Variants in DCBLD2 observed in about 807,000 individuals in gnomAD.
DCBLD2 encodes the protein discoidin, CUB and LCCL domain-containing protein 2.
DCBLD2 carries 54 observed loss-of-function variants against 86.8 expected under a neutral mutation model. The ratio of observed to expected loss-of-function variants is 0.62; its 90% CI spans 0.50 to 0.78. DCBLD2 has a LOEUF of 0.78. Ranked by LOEUF, DCBLD2 falls within the 30% of genes least tolerant of loss-of-function variation. The probability of loss-of-function intolerance (pLI) is 0.00; values close to 1 mark genes in which losing one functional copy is unlikely to be tolerated. For synonymous variants in DCBLD2, 354 were observed against 341.3 expected, an observed-to-expected ratio of 1.04 and a Z score of -0.41; for missense variants, 908 against 954.2, an observed-to-expected ratio of 0.95 and a Z score of 0.64.
At chr3:98,859,438 C>A (rs1451253868) in intron 2 of DCBLD2, among the ~76,000 whole-genome samples, 2 of 152,180 alleles carry the variant, frequency 1.3e-5, no homozygotes, top group Non-Finnish European at 2.9e-5. Flanking sequence ...TCAAGTGGGT[C>A]CCTGACCCCC....
Position 98,869,118 on chromosome 3 carries a change from A to G in DCBLD2, c.433+12422T>C, listed in dbSNP as rs114803831. On this transcript the variant is annotated intron_variant, in intron 2 of 15. Coordinates refer to ENST00000326840, the MANE Select transcript of DCBLD2 (RefSeq NM_080927.4). Reference sequence around the variant, plus strand: ...GTGTTCCCTGTCTGCGCCAACATCTATTGTTTTTTGACTTCTTAATGGCCA... The same window carrying G: ...GTGTTCCCTGTCTGCGCCAACATCTGTTGTTTTTTGACTTCTTAATGGCCA... Among the ~76,000 whole-genome samples, 1,068 of 152,008 alleles carry G rather than the reference A, an allele frequency of 7.0e-3. 8 individuals are homozygous for G. The highest frequency in any genetic ancestry group is 0.019 in the African/African-American group (798 of 41,492).
intron 3 of DCBLD2, among the ~76,000 whole-genome samples, chr3:98,836,604 T>G (rs1376239711): frequency 7.2e-6 from 1 of 138,558 alleles, no homozygotes; most frequent in South Asian, 2.3e-4. Context: ...CAATGAGCTG[T>G]TGGGCACACC....
intron 3 of DCBLD2, among the ~76,000 whole-genome samples, chr3:98,844,348 T>TATTATTATTATTATC (rs1206764449): frequency 1.3e-5 from 2 of 149,644 alleles, no homozygotes; most frequent in Non-Finnish European, 3.0e-5. Context: ...TAGCATTTAT[T>TATTATTATTATTATC]ATTATTATTA....
At chr3:98,836,067 T>C (rs1942441147) in intron 3 of DCBLD2, among the ~76,000 whole-genome samples, 1 of 50,324 alleles carries the variant, frequency 2.0e-5, no homozygotes, top group Non-Finnish European at 4.6e-5. Context: ...TGTGTGTGTA[T>C]GTGTGTGTGT....
intron 3 of DCBLD2, among the ~76,000 whole-genome samples, chr3:98,848,835 T>A (rs991126375): frequency 3.3e-5 from 5 of 152,138 alleles, no homozygotes; most frequent in Admixed American, 6.6e-5. Context: ...AATAATGTTT[T>A]AAATTGATAT....
chr3:98,882,031 A>G (rs1382160848), intron 1 of DCBLD2, among the ~76,000 whole-genome samples: 1 of 152,176 alleles, frequency 6.6e-6, no homozygotes, highest in African/African-American at 2.4e-5. Flanking sequence ...GTGTTACCTG[A>G]AACTACATAA....
At chr3:98,873,234 G>A (rs970575982) in intron 2 of DCBLD2, among the ~76,000 whole-genome samples, 2 of 151,990 alleles carry the variant, frequency 1.3e-5, no homozygotes, top group African/African-American at 4.8e-5. Context: ...ACCTCCAGGA[G>A]ACAGCAAAGA....
chr3:98,860,557 A>G (rs1002565330), intron 2 of DCBLD2, among the ~76,000 whole-genome samples: 9 of 152,230 alleles, frequency 5.9e-5, no homozygotes, highest in African/African-American at 2.2e-4. Flanking sequence ...AGAAGACAGT[A>G]GGGGCCAATA....
At chr3:98,873,960 A>G (rs1943321735) in intron 2 of DCBLD2, among the ~76,000 whole-genome samples, 1 of 152,214 alleles carries the variant, frequency 6.6e-6, no homozygotes, top group Admixed American at 6.5e-5. Flanking sequence ...ATTCTATTTT[A>G]CAGACATCAT....
At position 98,901,438 on chromosome 3, in the gene DCBLD2, GCCCTCGCCTCAC is replaced by G. The variant is rs1943850508; in HGVS notation, c.-124_-113del. On this transcript the variant is annotated 5_prime_UTR_variant, in exon 1 of 16. Coordinates refer to ENST00000326840, the MANE Select transcript of DCBLD2 (RefSeq NM_080927.4). ...GGCAGCGGCGGGAGAACAAGAGGCAGCCCTCGCCTCACCCCGCGCCGGGACCCTTCCGCCCCT... is the reference window on the plus strand; with the variant it reads ...GGCAGCGGCGGGAGAACAAGAGGCAGCCCGCGCCGGGACCCTTCCGCCCCT... The G allele has an allele frequency of 9.0e-7, 1 of 1,109,878 alleles. No homozygotes were observed. 68.8% of individuals were successfully genotyped at this position (1,109,878 alleles called of 1,614,324 possible).
Position 98,887,610 on chromosome 3 carries a change from C to T in DCBLD2, c.206-5843G>A, listed in dbSNP as rs947852774. On this transcript the variant is annotated intron_variant, in intron 1 of 15. Coordinates refer to ENST00000326840, the MANE Select transcript of DCBLD2 (RefSeq NM_080927.4). ...TAGTGTTCACAAGGTATATCTTTCTCCATCCCTACAGTTTTTAAATTGTGG... is the reference window on the plus strand; with the variant it reads ...TAGTGTTCACAAGGTATATCTTTCTTCATCCCTACAGTTTTTAAATTGTGG... 1.1e-4 allele frequency among the ~76,000 whole-genome samples: 16 copies of T among 152,036 alleles called. No individual in the cohort carries two copies. The South Asian group carries it at 1.5e-3, about 14-fold the overall frequency.
Position 98,860,574 on chromosome 3 carries a change from A to G in DCBLD2, c.434-10976T>C, listed in dbSNP as rs190439297. On this transcript the variant is annotated intron_variant, in intron 2 of 15. Coordinates refer to ENST00000326840, the MANE Select transcript of DCBLD2 (RefSeq NM_080927.4). ...AAGACAGTAGGGGCCAATATTCAAC[A>G]TTCTTAAAGGAAAGAATTTTCAACC... Among the ~76,000 whole-genome samples the G allele has an allele frequency of 1.2e-4, 18 of 152,362 alleles. 1 individual carries two copies. Among genetic ancestry groups the G allele is most frequent in the African/African-American group, 4.3e-4 (18 of 41,588 alleles).
intron 9 of DCBLD2, chr3:98,815,110 G>T (rs1367466781): frequency 6.6e-6 from 1 of 152,108 alleles, no homozygotes; most frequent in Non-Finnish European, 1.5e-5. Context: ...GATAGAGTGA[G>T]TGAGAGAGAG....
At position 98,811,060 on chromosome 3, in the gene DCBLD2, A is replaced by T. The variant is rs535415265; in HGVS notation, c.1576+134T>A. 10 of 1,013,176 alleles carry T rather than the reference A, an allele frequency of 9.9e-6. No individual in the cohort carries two copies. The African/African-American group carries it at 1.5e-4, about 15-fold the overall frequency. The allele number at this position is 1,013,176 out of a possible 1,614,324, so 62.8% of individuals were successfully genotyped here. On this transcript the variant is annotated intron_variant, in intron 12 of 15. Coordinates refer to ENST00000326840, the MANE Select transcript of DCBLD2 (RefSeq NM_080927.4). ...GCAGTCTTTTCCTATGAAAGAAAAT[A>T]AATTTTTTTTTTTGCTATACTTAAA...
chr3:98,812,124 C>G (rs1559770453), intron 10 of DCBLD2, among the ~76,000 whole-genome samples: 3 of 151,290 alleles, frequency 2.0e-5, no homozygotes, highest in Non-Finnish European at 4.4e-5. Flanking sequence ...GATGCTATTT[C>G]TTCTTCCACT....
intron 2 of DCBLD2, among the ~76,000 whole-genome samples, chr3:98,861,378 AAC>A (rs1943040886): frequency 6.6e-6 from 1 of 152,232 alleles, no homozygotes; most frequent in South Asian, 2.1e-4. Context: ...AAGCAGACCT[AAC>A]ACACATCTAC....
Position 98,899,203 on chromosome 3 carries a change from T to C in DCBLD2, c.205+1919A>G, listed in dbSNP as rs578055199. Among the ~76,000 whole-genome samples, 3 of 151,976 alleles carry C rather than the reference T, an allele frequency of 2.0e-5. No homozygotes were observed. In the East Asian group the frequency reaches 5.8e-4, roughly 29 times the overall value. On this transcript the variant is annotated intron_variant, in intron 1 of 15. Coordinates refer to ENST00000326840, the MANE Select transcript of DCBLD2 (RefSeq NM_080927.4). ...ATGTTCTGGTAAAAAAAAATTATAT[T>C]AAACCTTAAAAAATGAAGTAATGTT...
At chr3:98,845,097 T>C (rs9833945) in intron 3 of DCBLD2, among the ~76,000 whole-genome samples, 5,501 of 152,250 alleles carry the variant, frequency 0.036, 124 homozygotes, top group Middle Eastern at 0.065. Context: ...ATCAAATTGC[T>C]TGAGGAAATG....
At position 98,881,599 on chromosome 3, in the gene DCBLD2, G is replaced by T; in HGVS notation, c.374C>A (p.Ser125Tyr). 1.9e-6 allele frequency: 3 copies of T among 1,613,850 alleles called. No individual in the cohort carries two copies. Among genetic ancestry groups the T allele is most frequent in the Non-Finnish European group, 2.5e-6 (3 of 1,179,866 alleles). ...FGDFDIEDSD[S>Y]CHFNYLRIYN... Reference sequence around the variant, plus strand: ...AATTCTCAAGTAATTAAAGTGACAAGAATCAGAATCTTCAATGTCAAAGTC... The same window carrying T: ...AATTCTCAAGTAATTAAAGTGACAATAATCAGAATCTTCAATGTCAAAGTC... Residue 125 changes from serine (S) to tyrosine (Y), a missense_variant, in exon 2 of 16, where the codon TCT (serine) becomes TAT (tyrosine). Transcript: ENST00000326840.
Sources: gnomAD v4.1 joint callset for allele counts (sites outside exome capture counted in the v4.1 genomes callset) on GRCh38, gnomAD v4.1.1 for gene constraint, MANE v1.5 for transcripts, NCBI Gene and HGNC (gene_info 2026-07-23, HGNC 2026-07-21) for gene names.